PLEKHS1: variants seen among roughly 807,000 people sequenced by gnomAD.
PLEKHS1 encodes the protein pleckstrin homology domain-containing family S member 1.
A neutral mutation model predicts 51.0 loss-of-function variants in PLEKHS1; 55 were observed. The observed-to-expected ratio is 1.08, with a 90% CI of 0.87 to 1.35. The LOEUF (loss-of-function observed/expected upper bound fraction) is 1.35. PLEKHS1 is among the 40% of genes most tolerant of loss of function. The pLI is 0.00. For missense variants in PLEKHS1, 398 were observed against 423.0 expected, an observed-to-expected ratio of 0.94 and a Z score of 0.52; for synonymous variants, 153 against 144.8, an observed-to-expected ratio of 1.06 and a Z score of -0.41.
chr10:113,773,940 G>A (rs560486710), intron 8 of PLEKHS1, among the ~76,000 whole-genome samples: 22 of 152,250 alleles, frequency 1.4e-4, no homozygotes, highest in East Asian at 5.8e-4. Context: ...ATTAAGTGCC[G>A]AATGGTGAAA....
intron 7 of PLEKHS1, 77 bp downstream of exon 7, chr10:113,769,977 T>C: frequency 4.7e-6 from 5 of 1,067,912 alleles, no homozygotes; most frequent in South Asian, 3.8e-5. Context: ...CAATTAGCAA[T>C]TGAATTTAAC....
chr10:113,780,832 G>C, exon 12 of PLEKHS1: 1 of 1,481,320 alleles, frequency 6.8e-7, no homozygotes, highest in Non-Finnish European at 9.0e-7. Flanking sequence ...GGACTGTCCA[G>C]CTCTGCCCCC....
chr10:113,773,939 C>T (rs1224499003), intron 8 of PLEKHS1, among the ~76,000 whole-genome samples: 4 of 152,014 alleles, frequency 2.6e-5, no homozygotes, highest in Non-Finnish European at 2.9e-5. Context: ...CATTAAGTGC[C>T]GAATGGTGAA....
chr10:113,766,984 A>G (rs974911835), intron 4 of PLEKHS1, among the ~76,000 whole-genome samples: 1 of 152,186 alleles, frequency 6.6e-6, no homozygotes, highest in East Asian at 1.9e-4. Flanking sequence ...TAATTTGTGG[A>G]TGAGAGGGAG....
chr10:113,780,697 T>G lies in PLEKHS1; in HGVS notation c.*95T>G, dbSNP rs1346306389. On this transcript the variant is annotated 3_prime_UTR_variant, in exon 12 of 12. Coordinates refer to ENST00000361048, the Ensembl canonical transcript of PLEKHS1. Reference sequence around the variant, plus strand: ...CAAAATGCCAAAGTGCTGCACCTTCTCAGCTGGATAAGCCTAGACTGAACA... The same window carrying G: ...CAAAATGCCAAAGTGCTGCACCTTCGCAGCTGGATAAGCCTAGACTGAACA... The G allele has an allele frequency of 5.0e-6, 8 of 1,612,620 alleles. No homozygotes were observed. In the Admixed American group the frequency reaches 1.2e-4, roughly 24 times the overall value.
chr10:113,764,150 G>T (rs1490153556), intron 2 of PLEKHS1, among the ~76,000 whole-genome samples: 1 of 152,158 alleles, frequency 6.6e-6, no homozygotes, highest in Non-Finnish European at 1.5e-5. Context: ...GCCCAGGCTG[G>T]AGTGCAGTGG....
chr10:113,757,437 A>C (rs1187675488), intron 2 of PLEKHS1, among the ~76,000 whole-genome samples: 1 of 152,210 alleles, frequency 6.6e-6, no homozygotes, highest in Non-Finnish European at 1.5e-5. Context: ...CTATGCGTAC[A>C]CTATACTGTA....
chr10:113,753,212 G>A (rs956687460), intron 1 of PLEKHS1, among the ~76,000 whole-genome samples: 1 of 152,088 alleles, frequency 6.6e-6, no homozygotes, highest in African/African-American at 2.4e-5. Context: ...GCTAACAGCT[G>A]CATAGGGGGC....
intron 11 of PLEKHS1, among the ~76,000 whole-genome samples, chr10:113,779,203 G>A (rs183211650): frequency 7.2e-5 from 11 of 152,288 alleles, no homozygotes; most frequent in Admixed American, 2.0e-4. Context: ...ATAGGAGACT[G>A]CATGGTGGAA....
At chr10:113,773,352 T>C (rs1358092719) in intron 8 of PLEKHS1, among the ~76,000 whole-genome samples, 1 of 152,202 alleles carries the variant, frequency 6.6e-6, no homozygotes, top group Non-Finnish European at 1.5e-5. Flanking sequence ...GCATCAGTTA[T>C]AGGCCTGGCC....
At chr10:113,757,104 A>G (rs899377109) in intron 2 of PLEKHS1, among the ~76,000 whole-genome samples, 2 of 152,022 alleles carry the variant, frequency 1.3e-5, no homozygotes, top group South Asian at 2.1e-4. Flanking sequence ...TAGTAGATAC[A>G]GGGTTTCACC....
intron 2 of PLEKHS1, among the ~76,000 whole-genome samples, chr10:113,765,734 T>G (rs1170248318): frequency 6.6e-6 from 1 of 152,260 alleles, no homozygotes; most frequent in African/African-American, 2.4e-5. Flanking sequence ...AGTGTTGTTA[T>G]TTTTGTTTTC....
chr10:113,780,661 T>C (rs1169154935), exon 12 of PLEKHS1: 6 of 1,613,828 alleles, frequency 3.7e-6, no homozygotes, highest in East Asian at 2.2e-5. Flanking sequence ...CTGCATCCTG[T>C]ATGTGTCCCT....
At chr10:113,775,887 T>C in intron 11 of PLEKHS1, 21 bp downstream of exon 11, 1 of 1,541,374 alleles carries the variant, frequency 6.5e-7, no homozygotes, top group Non-Finnish European at 8.9e-7. Context: ...GATTTGACTG[T>C]TGTGGATTAT....
chr10:113,763,376 T>G (rs995599201), intron 2 of PLEKHS1, among the ~76,000 whole-genome samples: 1 of 152,182 alleles, frequency 6.6e-6, no homozygotes, highest in Non-Finnish European at 1.5e-5. Context: ...TGAGTCTTGC[T>G]TTTTTATCCA....
chr10:113,760,117 ACTTT>A, intron 2 of PLEKHS1, among the ~76,000 whole-genome samples: 1 of 152,146 alleles, frequency 6.6e-6, no homozygotes, highest in Non-Finnish European at 1.5e-5. Flanking sequence ...CAGTATGAAC[ACTTT>A]CTGTCTGACA....
chr10:113,779,816 C>T (rs1844814368), intron 11 of PLEKHS1, among the ~76,000 whole-genome samples: 1 of 152,184 alleles, frequency 6.6e-6, no homozygotes, highest in African/African-American at 2.4e-5. Context: ...GTTCTGCCTT[C>T]CCTTTCTAAT....
chr10:113,755,238 A>C lies in PLEKHS1; in HGVS notation c.-19-21A>C, dbSNP rs762077450. The C allele has an allele frequency of 4.4e-6, 7 of 1,600,356 alleles. No homozygotes were observed. The Admixed American group carries it at 6.9e-5, about 16-fold the overall frequency. ...CACGTAGTGTTGTTTGGGGACTAAC[A>C]CTAACCCTTCCTTTTGACAGGGGAG... On this transcript the variant is annotated intron_variant, in intron 1 of 11. Transcript: ENST00000361048.
At chr10:113,775,922 G>C (rs1437103790) in intron 11 of PLEKHS1, 56 bp downstream of exon 11, 2 of 1,312,852 alleles carry the variant, frequency 1.5e-6, no homozygotes, top group Admixed American at 1.9e-5. Flanking sequence ...GCTTTGAAGA[G>C]AACAATTACA....
Sources: gnomAD v4.1 joint callset for allele counts (sites outside exome capture counted in the v4.1 genomes callset) on GRCh38, gnomAD v4.1.1 for gene constraint, MANE v1.5 for transcripts, NCBI Gene and HGNC (gene_info 2026-07-23, HGNC 2026-07-21) for gene names.